TMTC2: variants seen among roughly 807,000 people sequenced by gnomAD.
The protein encoded by TMTC2 is transmembrane O-mannosyltransferase targeting cadherins 2, also known as protein O-mannosyl-transferase TMTC2.
A neutral mutation model predicts 82.4 loss-of-function variants in TMTC2; 43 were observed. That is an observed-to-expected ratio of 0.52 (90% CI 0.41 to 0.67). TMTC2 has a LOEUF of 0.67. Ranked by LOEUF, TMTC2 falls within the 30% of genes least tolerant of loss-of-function variation. TMTC2 has a pLI of 0.00. For missense variants in TMTC2, 919 were observed against 1,012.4 expected, an observed-to-expected ratio of 0.91 and a Z score of 1.25; for synonymous variants, 408 against 381.9, an observed-to-expected ratio of 1.07 and a Z score of -0.80.
chr12:82,997,645 G>A (rs1022070738), intron 8 of TMTC2, among the ~76,000 whole-genome samples: 1 of 150,976 alleles, frequency 6.6e-6, no homozygotes, highest in African/African-American at 2.4e-5. Flanking sequence ...ATGCCAAGAA[G>A]ATTTTACTAC....
intron 1 of TMTC2, among the ~76,000 whole-genome samples, chr12:82,844,673 G>T (rs1225535343): frequency 1.3e-5 from 2 of 151,934 alleles, no homozygotes; most frequent in East Asian, 3.9e-4. Flanking sequence ...TTGGTGGCGG[G>T]CGCCTGTAGT....
intron 8 of TMTC2, among the ~76,000 whole-genome samples, chr12:83,002,332 C>T (rs1393822904): frequency 6.6e-6 from 1 of 152,004 alleles, no homozygotes; most frequent in Non-Finnish European, 1.5e-5. Flanking sequence ...TTATTTGCAT[C>T]TTCTCTGTCT....
intron 1 of TMTC2, among the ~76,000 whole-genome samples, chr12:82,725,875 C>A (rs997306178): frequency 1.3e-5 from 2 of 152,154 alleles, no homozygotes; most frequent in African/African-American, 4.8e-5. Context: ...ACTGTGGAGA[C>A]CAAGGTTCTT....
intron 1 of TMTC2, among the ~76,000 whole-genome samples, chr12:82,837,332 G>A (rs1313816171): frequency 4.6e-5 from 7 of 152,134 alleles, no homozygotes; most frequent in Non-Finnish European, 8.8e-5. Context: ...CAATGGCTGG[G>A]CATGGTGACG....
At chr12:82,817,821 G>A (rs564404291) in intron 1 of TMTC2, among the ~76,000 whole-genome samples, 20 of 152,210 alleles carry the variant, frequency 1.3e-4, no homozygotes, top group African/African-American at 4.6e-4. Flanking sequence ...TGCCTTTTGT[G>A]TCTCTTCATT....
intron 11 of TMTC2, among the ~76,000 whole-genome samples, chr12:83,089,483 C>G (rs1298278908): frequency 6.6e-6 from 1 of 152,092 alleles, no homozygotes; most frequent in Non-Finnish European, 1.5e-5. Context: ...CAGGTGTTAA[C>G]TAATTCACAC....
At chr12:82,886,397 A>G (rs1255389787) in intron 2 of TMTC2, among the ~76,000 whole-genome samples, 2 of 152,244 alleles carry the variant, frequency 1.3e-5, no homozygotes, top group East Asian at 3.8e-4. Context: ...ATTAAATGAG[A>G]GACTAGATGA....
In TMTC2 at chr12:82,979,574, G is replaced by T. The variant is rs1018796891; in HGVS notation, c.1949-6351G>T. On this transcript the variant is annotated intron_variant, in intron 7 of 11. Coordinates refer to ENST00000321196, the MANE Select transcript of TMTC2 (RefSeq NM_152588.3). ...TTGTTGTAGTTATTTGTTTTGATTG[G>T]TTCATTTTTCAATCTTTCAACTCAA... 2.6e-5 allele frequency among the ~76,000 whole-genome samples: 4 copies of T among 151,534 alleles called. 1 individual carries two copies. The highest frequency in any genetic ancestry group is 2.6e-4 in the Admixed American group (4 of 15,180).
chr12:83,119,985 G>A (rs778288862), intron 11 of TMTC2, among the ~76,000 whole-genome samples: 38 of 152,116 alleles, frequency 2.5e-4, no homozygotes, highest in Non-Finnish European at 4.6e-4. Flanking sequence ...GTCCATTTGC[G>A]TCAAATGTCT....
intron 11 of TMTC2, among the ~76,000 whole-genome samples, chr12:83,069,244 T>C (rs1423214777): frequency 6.6e-6 from 1 of 152,210 alleles, no homozygotes; most frequent in African/African-American, 2.4e-5. Context: ...ATGGTAGTTC[T>C]ACTTTTAGTT....
rs144284587 is a variant in TMTC2 at position 83,041,721 on chromosome 12, T to C, written c.2153-9183T>C. 7.9e-5 allele frequency among the ~76,000 whole-genome samples: 12 copies of C among 152,062 alleles called. No homozygotes were observed. The East Asian group carries it at 1.7e-3, about 22-fold the overall frequency. ...ATAGGTAACCTTACAAATAAGAGAG[T>C]AGACATTGTGCTCAACAGTCTAAAC... is the stretch of plus-strand genomic sequence containing the variant. On this transcript the variant is annotated intron_variant, in intron 9 of 11. Transcript: ENST00000321196.
chr12:82,989,849 C>T (rs1565841647), intron 8 of TMTC2, among the ~76,000 whole-genome samples: 1 of 151,814 alleles, frequency 6.6e-6, no homozygotes, highest in Non-Finnish European at 1.5e-5. Flanking sequence ...TAATCCCCCC[C>T]ACCAAGACTT....
chr12:82,841,570 C>T (rs1489104764), intron 1 of TMTC2, among the ~76,000 whole-genome samples: 1 of 152,170 alleles, frequency 6.6e-6, no homozygotes, highest in Non-Finnish European at 1.5e-5. Flanking sequence ...TCTGATTTAG[C>T]TGTGAGGCTG....
intron 10 of TMTC2, among the ~76,000 whole-genome samples, chr12:83,053,759 A>G (rs17010563): frequency 0.059 from 8,947 of 152,176 alleles, 314 homozygotes; most frequent in Middle Eastern, 0.082. Context: ...ATATTATTCA[A>G]TTTGGCAGTT....
At chr12:82,863,158 AC>A (rs373883668) in intron 2 of TMTC2, among the ~76,000 whole-genome samples, 76 of 145,254 alleles carry the variant, frequency 5.2e-4, no homozygotes, top group South Asian at 1.1e-3. Flanking sequence ...CTAAGTTGTG[AC>A]CCCCCCCCAA....
chr12:82,689,769 C>A (rs550165855), intron 1 of TMTC2, among the ~76,000 whole-genome samples: 63 of 152,186 alleles, frequency 4.1e-4, no homozygotes, highest in Admixed American at 9.8e-4. Context: ...TGTTAAAATT[C>A]GTGACTTCTA....
intron 8 of TMTC2, among the ~76,000 whole-genome samples, chr12:82,996,023 T>C (rs1476714694): frequency 2.0e-5 from 3 of 152,328 alleles, no homozygotes; most frequent in East Asian, 1.9e-4. Context: ...GACTTCAAAA[T>C]GCATAAAAAC....
intron 1 of TMTC2, among the ~76,000 whole-genome samples, chr12:82,711,514 A>G (rs1334472994): frequency 1.3e-5 from 2 of 152,316 alleles, no homozygotes; most frequent in South Asian, 2.1e-4. Flanking sequence ...ATACACTTCA[A>G]AAGGTCTGAG....
At chr12:83,018,714 C>G (rs1880787863) in intron 8 of TMTC2, among the ~76,000 whole-genome samples, 1 of 149,104 alleles carries the variant, frequency 6.7e-6, no homozygotes, top group African/African-American at 2.5e-5. Context: ...ATGGCAATGG[C>G]ATGAAGCTCT....
Sources: allele counts gnomAD v4.1 joint callset (sites outside exome capture counted in the v4.1 genomes callset), GRCh38; gene constraint gnomAD v4.1.1; transcripts MANE v1.5; gene names NCBI Gene and HGNC (gene_info 2026-07-23, HGNC 2026-07-21).